ARHGAP12: variants seen among roughly 807,000 people sequenced by gnomAD.
The protein encoded by ARHGAP12 is Rho GTPase activating protein 12.
In ARHGAP12, 64 loss-of-function variants were observed where a neutral mutation model predicts 108.6. The observed-to-expected ratio is 0.59, with a 90% CI of 0.48 to 0.73. The LOEUF is 0.73. Ranked by LOEUF, ARHGAP12 falls within the 30% of genes least tolerant of loss-of-function variation. The pLI, the probability that ARHGAP12 is intolerant of heterozygous loss-of-function variation, is 0.00. For synonymous variants in ARHGAP12, 312 were observed against 337.2 expected, an observed-to-expected ratio of 0.93 and a Z score of 0.82; for missense variants, 940 against 1,005.9, an observed-to-expected ratio of 0.93 and a Z score of 0.89.
intron 3 of ARHGAP12, among the ~76,000 whole-genome samples, chr10:31,874,681 A>G (rs1016593487): frequency 8.5e-5 from 13 of 152,088 alleles, no homozygotes; most frequent in Non-Finnish European, 1.6e-4. Flanking sequence ...AGTAGAAAAA[A>G]AATACATTCA....
Position 31,809,296 on chromosome 10 carries a change from C to T in ARHGAP12, c.2062G>A (p.Asp688Asn), listed in dbSNP as rs1255408837. Residue 688 changes from aspartate (D) to asparagine (N), a missense_variant, in exon 17 of 20, where the codon GAT (aspartate) becomes AAT (asparagine). Coordinates refer to ENST00000344936, the MANE Select transcript of ARHGAP12 (RefSeq NM_018287.7). ...TTGCCACTTACTCTGTATATCCCAT[C>T]AATATCCAAACCTAAGAGACAATAA... ...EHVEEHGLDI[D>N]GIYRVSGNLA... 1 of 1,613,696 alleles carries T rather than the reference C, an allele frequency of 6.2e-7. No individual in the cohort carries two copies. Among genetic ancestry groups the T allele is most frequent in the South Asian group, 1.1e-5 (1 of 91,042 alleles).
At chr10:31,928,467 C>T (rs1840159972) in intron 1 of ARHGAP12, among the ~76,000 whole-genome samples, 1 of 149,914 alleles carries the variant, frequency 6.7e-6, no homozygotes, top group Admixed American at 6.6e-5. Flanking sequence ...CCCTCCCCCT[C>T]GGCGCCTAAC....
chr10:31,871,080 G>C (rs983131664), intron 3 of ARHGAP12, among the ~76,000 whole-genome samples: 23 of 152,150 alleles, frequency 1.5e-4, no homozygotes, highest in African/African-American at 4.6e-4. Flanking sequence ...GCACTAAACA[G>C]GGATAGGAGG....
At chr10:31,841,237 A>G (rs528998897) in intron 7 of ARHGAP12, among the ~76,000 whole-genome samples, 2 of 152,258 alleles carry the variant, frequency 1.3e-5, no homozygotes, top group East Asian at 3.9e-4. Flanking sequence ...TAGTAAAAAC[A>G]GAAAAAAAAG....
rs1210389796 is a variant in ARHGAP12 at position 31,806,632 on chromosome 10, C to T, written c.*1026G>A. On this transcript the variant is annotated 3_prime_UTR_variant, in exon 20 of 20. Transcript: ENST00000344936. ...CTCTTGTAGTGCATGTGCCATTTAG[C>T]AAGTCTATTCAGTATTTTTCCAGTA... The T allele has an allele frequency of 2.0e-5, 3 of 152,548 alleles. No homozygotes were observed. In the East Asian group the frequency reaches 5.8e-4, roughly 29 times the overall value. The allele number at this position is 152,548 out of a possible 1,614,324, so 9.4% of individuals were successfully genotyped here. A position where few individuals can be genotyped will look rare whatever the true frequency, so the allele number is the denominator to read the frequency against.
intron 3 of ARHGAP12, among the ~76,000 whole-genome samples, chr10:31,878,530 T>C (rs892406181): frequency 6.6e-6 from 1 of 152,242 alleles, no homozygotes; most frequent in Admixed American, 6.5e-5. Flanking sequence ...CTTATTGTAT[T>C]TTACATTTAT....
Position 31,908,606 on chromosome 10 carries a change from C to G in ARHGAP12, c.250G>C (p.Val84Leu). ...RKALMPPVKQ[V>L]AGLPNNSTKI... Reference sequence around the variant, plus strand: ...GTGGAGTTATTTGGCAGACCAGCTACCTGCTTAACAGGTGGCATGAGAGCT... The same window carrying G: ...GTGGAGTTATTTGGCAGACCAGCTAGCTGCTTAACAGGTGGCATGAGAGCT... The change falls in exon 3 of 20, where the codon GTA becomes CTA. Residue 84 changes from valine (V) to leucine (L), a missense_variant. By Grantham distance (32) the Val-to-Leu change is conservative. Coordinates refer to ENST00000344936, the MANE Select transcript of ARHGAP12 (RefSeq NM_018287.7). 1.9e-6 allele frequency: 3 copies of G among 1,614,208 alleles called. No individual in the cohort carries two copies. The highest frequency in any genetic ancestry group is 2.5e-6 in the Non-Finnish European group (3 of 1,180,032).
intron 3 of ARHGAP12, among the ~76,000 whole-genome samples, chr10:31,874,350 G>A (rs189290059): frequency 1.3e-5 from 2 of 152,218 alleles, no homozygotes; most frequent in East Asian, 1.9e-4. Context: ...AAAAGGTTGT[G>A]TTCACTTCAA....
At chr10:31,848,416 T>G (rs1836543864) in intron 6 of ARHGAP12, among the ~76,000 whole-genome samples, 1 of 152,218 alleles carries the variant, frequency 6.6e-6, no homozygotes, top group Admixed American at 6.5e-5. Context: ...ACTCATGTCT[T>G]CCTTCAATTT....
At chr10:31,917,541 C>A (rs1179090527) in intron 1 of ARHGAP12, among the ~76,000 whole-genome samples, 1 of 152,210 alleles carries the variant, frequency 6.6e-6, no homozygotes, top group Non-Finnish European at 1.5e-5. Flanking sequence ...ATCTTCTCCT[C>A]CCCAACCCAT....
intron 3 of ARHGAP12, among the ~76,000 whole-genome samples, chr10:31,865,805 G>A (rs1434340259): frequency 2.0e-5 from 3 of 151,472 alleles, no homozygotes; most frequent in Non-Finnish European, 4.4e-5. Flanking sequence ...GTGAACCCAG[G>A]AGGCAGAGCT....
chr10:31,923,518 CAA>C (rs1839906495), intron 1 of ARHGAP12, among the ~76,000 whole-genome samples: 2 of 152,240 alleles, frequency 1.3e-5, no homozygotes, highest in South Asian at 4.1e-4. Flanking sequence ...TCATCTGTAA[CAA>C]AGAGAAACTC....
At chr10:31,831,885 G>T in intron 9 of ARHGAP12, 85 bp from the exon 10 acceptor site, 1 of 717,010 alleles carries the variant, frequency 1.4e-6, no homozygotes, top group Non-Finnish European at 2.2e-6. Flanking sequence ...ACATGGTCTC[G>T]TTCTCTAAAA....
chr10:31,839,518 G>A (rs1564381938), intron 8 of ARHGAP12, 119 bp downstream of exon 8: 2 of 1,170,560 alleles, frequency 1.7e-6, no homozygotes, highest in Non-Finnish European at 2.3e-6. Flanking sequence ...TGATTTTTTA[G>A]AAAAACCAAT....
chr10:31,808,627 C>T, intron 19 of ARHGAP12, 22 bp downstream of exon 19: 1 of 1,609,480 alleles, frequency 6.2e-7, no homozygotes, highest in Non-Finnish European at 8.5e-7. Flanking sequence ...TACCACATCC[C>T]ATGACTGGGC....
At chr10:31,838,848 A>G (rs1836132504) in intron 9 of ARHGAP12, among the ~76,000 whole-genome samples, 1 of 151,462 alleles carries the variant, frequency 6.6e-6, no homozygotes, top group Non-Finnish European at 1.5e-5. Flanking sequence ...AAAAAAAAAA[A>G]AAATTTAGCA....
intron 4 of ARHGAP12, among the ~76,000 whole-genome samples, chr10:31,856,559 T>C (rs1025618720): frequency 1.4e-4 from 21 of 152,268 alleles, no homozygotes; most frequent in African/African-American, 4.1e-4. Context: ...AGAGTCTTCA[T>C]GAAATCCAAA....
intron 3 of ARHGAP12, among the ~76,000 whole-genome samples, chr10:31,895,193 G>A (rs543501540): frequency 3.9e-5 from 6 of 152,252 alleles, no homozygotes; most frequent in South Asian, 4.1e-4. Flanking sequence ...GCATGGGCAA[G>A]GACTTCATGT....
chr10:31,824,147 T>C (rs1261611027), intron 11 of ARHGAP12, among the ~76,000 whole-genome samples: 1 of 152,176 alleles, frequency 6.6e-6, no homozygotes, highest in Non-Finnish European at 1.5e-5. Flanking sequence ...CTCCCTTAAA[T>C]ATGTAGCAAT....
Sources: gnomAD v4.1 joint callset for allele counts (sites outside exome capture counted in the v4.1 genomes callset) on GRCh38, gnomAD v4.1.1 for gene constraint, MANE v1.5 for transcripts, NCBI Gene and HGNC (gene_info 2026-07-23, HGNC 2026-07-21) for gene names.